MED15: variants seen among roughly 807,000 people sequenced by gnomAD.
The protein encoded by MED15 is mediator of RNA polymerase II transcription subunit 15.
A neutral mutation model predicts 118.7 loss-of-function variants in MED15; 41 were observed. That is an observed-to-expected ratio of 0.35 (90% CI 0.27 to 0.45). MED15 has a LOEUF of 0.45. Ranked by LOEUF, MED15 falls within the 20% of genes least tolerant of loss-of-function variation. MED15 has a pLI of 1.00. For missense variants in MED15, 740 were observed against 1,025.5 expected (o/e 0.72, Z 3.80); for synonymous variants, 436 against 413.9 (o/e 1.05, Z -0.65).
In MED15 at chr22:20,575,189, T is replaced by C; in HGVS notation, c.1229T>C (p.Ile410Thr). Residue 410 changes from isoleucine (I) to threonine (T), a missense_variant, in exon 9 of 18, where the codon ATC becomes ACC. By Grantham distance (89) the Ile-to-Thr change is moderately conservative. Around this residue, in one of 7 missense-constraint regions of MED15, gnomAD observed 384 missense variants for 506.3 expected, o/e 0.76. Coordinates refer to ENST00000263205, the MANE Select transcript of MED15 (RefSeq NM_001003891.3). ...RFPPTTAVSA[I>T]PSSSIPLGRQ... ...CCGCCTACCACCGCTGTGTCCGCCA[T>C]CCCGTCAAGCTCCATCCCTTTGGGC... is the stretch of plus-strand genomic sequence containing the variant. 6.2e-7 allele frequency: 1 copy of C among 1,614,140 alleles called. No individual in the cohort carries two copies. The highest frequency in any genetic ancestry group is 8.5e-7 in the Non-Finnish European group (1 of 1,180,028).
At chr22:20,524,957 T>C (rs993171137) in intron 1 of MED15, among the ~76,000 whole-genome samples, 1 of 151,992 alleles carries the variant, frequency 6.6e-6, no homozygotes, top group Admixed American at 6.6e-5. Context: ...AAATTGCTAA[T>C]AGAGGAGAAA....
chr22:20,541,892 C>T (rs1430572324), intron 2 of MED15, among the ~76,000 whole-genome samples: 1 of 152,188 alleles, frequency 6.6e-6, no homozygotes, highest in Non-Finnish European at 1.5e-5. Flanking sequence ...TTGTGATCCA[C>T]CCACCTAGGC....
intron 2 of MED15, among the ~76,000 whole-genome samples, chr22:20,548,124 T>C (rs1417690905): frequency 6.6e-6 from 1 of 152,138 alleles, no homozygotes; most frequent in Non-Finnish European, 1.5e-5. Flanking sequence ...ATTACAAGAC[T>C]GTGCCACTGT....
intron 1 of MED15, among the ~76,000 whole-genome samples, chr22:20,536,292 GCCAGGC>G (rs991150615): frequency 1.4e-5 from 2 of 145,338 alleles, no homozygotes; most frequent in African/African-American, 5.1e-5. Context: ...GGAGCCACAG[GCCAGGC>G]CTTTCTAACA....
chr22:20,548,803 T>A (rs1485586439), intron 2 of MED15, among the ~76,000 whole-genome samples: 2 of 152,124 alleles, frequency 1.3e-5, no homozygotes, highest in Non-Finnish European at 2.9e-5. Context: ...GTGTGGAAAT[T>A]CTATGAAGCT....
intron 5 of MED15, among the ~76,000 whole-genome samples, chr22:20,558,151 T>TA (rs1208579402): frequency 6.6e-6 from 1 of 152,152 alleles, no homozygotes; most frequent in Non-Finnish European, 1.5e-5. Context: ...TTCAGGATCT[T>TA]GTTACCACCT....
intron 1 of MED15, among the ~76,000 whole-genome samples, chr22:20,513,663 A>C (rs1199374990): frequency 6.6e-6 from 1 of 151,914 alleles, no homozygotes; most frequent in Non-Finnish European, 1.5e-5. Context: ...AAATGAAGAG[A>C]CCTCTGTACA....
At chr22:20,516,376 A>G (rs1015458468) in intron 1 of MED15, among the ~76,000 whole-genome samples, 4 of 152,134 alleles carry the variant, frequency 2.6e-5, no homozygotes, top group East Asian at 1.9e-4. Context: ...GCTGAACCAC[A>G]GCAGGACAAG....
intron 1 of MED15, chr22:20,508,415 C>T (rs751741765): frequency 5.4e-6 from 7 of 1,303,556 alleles, no homozygotes; most frequent in Non-Finnish European, 6.1e-6. Context: ...CATGCGCGTC[C>T]GTGTGAAGAG....
At chr22:20,586,427 G>C in intron 17 of MED15, 141 bp from the exon 18 acceptor site, 1 of 1,258,520 alleles carries the variant, frequency 7.9e-7, no homozygotes, top group Non-Finnish European at 1.1e-6. Context: ...AGAGCCCAAA[G>C]GCCGGGCAGC....
chr22:20,535,215 C>G (rs1320956920), intron 1 of MED15, among the ~76,000 whole-genome samples: 1 of 152,206 alleles, frequency 6.6e-6, no homozygotes, highest in Admixed American at 6.5e-5. Context: ...GCCTCGGCCT[C>G]CCAAAGTGCT....
At chr22:20,537,629 T>C (rs1232046545) in intron 2 of MED15, among the ~76,000 whole-genome samples, 2 of 152,240 alleles carry the variant, frequency 1.3e-5, no homozygotes, top group African/African-American at 4.8e-5. Flanking sequence ...CCCCTTTTGC[T>C]AAGTGAAGAA....
Position 20,582,689 on chromosome 22 carries a change from C to G in MED15, c.1351C>G (p.Pro451Ala). ...GCAGACCCCGCAGTCGATGCCCCCT[C>G]CCCCCCAGCCGTCCCCGCAGCCCGG... ...QVQTPQSMPP[P>A]PQPSPQPGQP... The change falls in exon 10 of 18, where the codon CCC (proline) becomes GCC (alanine). Residue 451 changes from proline (P) to alanine (A), a missense_variant. Physicochemically the swap from Pro to Ala is conservative, Grantham distance 27. Coordinates refer to ENST00000263205, the MANE Select transcript of MED15 (RefSeq NM_001003891.3). The G allele has an allele frequency of 1.3e-6, 2 of 1,594,490 alleles. No homozygotes were observed. The highest frequency in any genetic ancestry group is 1.7e-6 in the Non-Finnish European group (2 of 1,176,386).
intron 2 of MED15, chr22:20,551,113 C>T (rs1359527576): frequency 1.8e-6 from 1 of 553,164 alleles, no homozygotes; most frequent in South Asian, 1.5e-5. Flanking sequence ...CCCCAACCTG[C>T]CTGTCCCCTT....
Position 20,586,869 on chromosome 22 carries a change from A to C in MED15, c.*165A>C. On this transcript the variant is annotated 3_prime_UTR_variant, in exon 18 of 18. Coordinates refer to ENST00000263205, the MANE Select transcript of MED15 (RefSeq NM_001003891.3). ...GCCAAACGAAATCCCACACCTGTACAGAACTGGGATAGGCGCAGTGGAGCG... is the reference window on the plus strand; with the variant it reads ...GCCAAACGAAATCCCACACCTGTACCGAACTGGGATAGGCGCAGTGGAGCG... The C allele has an allele frequency of 8.9e-7, 1 of 1,118,460 alleles. No homozygotes were observed. The highest frequency in any genetic ancestry group is 2.6e-5 in the East Asian group (1 of 38,412). 69.3% of individuals were successfully genotyped at this position (1,118,460 alleles called of 1,614,324 possible). A position where few individuals can be genotyped will look rare whatever the true frequency, so the allele number is the denominator to read the frequency against.
intron 2 of MED15, among the ~76,000 whole-genome samples, chr22:20,546,502 GTTTTTTTTGTT>G (rs2055544048): frequency 9.1e-6 from 1 of 109,400 alleles, no homozygotes; most frequent in Admixed American, 9.5e-5. Flanking sequence ...GTTACATGGA[GTTTTTTTTGTT>G]TTTTTTTTTT....
At chr22:20,526,949 G>A (rs930321265) in intron 1 of MED15, among the ~76,000 whole-genome samples, 1 of 152,168 alleles carries the variant, frequency 6.6e-6, no homozygotes, top group African/African-American at 2.4e-5. Flanking sequence ...GGACTCCTGG[G>A]AATTAACTTT....
At chr22:20,576,886 C>T (rs1187778616) in intron 9 of MED15, among the ~76,000 whole-genome samples, 1 of 152,194 alleles carries the variant, frequency 6.6e-6, no homozygotes, top group African/African-American at 2.4e-5. Context: ...TTCCCATAGC[C>T]TCTGGCACAG....
intron 1 of MED15, among the ~76,000 whole-genome samples, chr22:20,521,509 G>T (rs1365560343): frequency 1.3e-5 from 2 of 150,180 alleles, no homozygotes; most frequent in Admixed American, 1.3e-4. Context: ...CCATTCTCCT[G>T]AGTAGCTGGG....
Sources: allele counts gnomAD v4.1 joint callset (sites outside exome capture counted in the v4.1 genomes callset), GRCh38; gene constraint gnomAD v4.1.1; regional missense constraint gnomAD v4.1.1; transcripts MANE v1.5; gene names NCBI Gene and HGNC (gene_info 2026-07-23, HGNC 2026-07-21).